ZNG1B: variants seen among roughly 807,000 people sequenced by gnomAD.
ZNG1B encodes the protein Zn regulated GTPase metalloprotein activator 1B.
At chr2:113,457,430 A>T in the ZNG1B span, among the ~76,000 whole-genome samples, 1 of 142,844 alleles carries the variant, frequency 7.0e-6, no homozygotes, top group African/African-American at 2.6e-5. Context: ...CTTTGACACT[A>T]GATTTATTTC....
chr2:113,489,720 T>C, the ZNG1B span, among the ~76,000 whole-genome samples: 1 of 151,710 alleles, frequency 6.6e-6, no homozygotes, highest in Admixed American at 6.6e-5. Context: ...GCCATTCTTA[T>C]ATTAGACAAA....
chr2:113,447,566 T>C, the ZNG1B span: 1 of 410,534 alleles, frequency 2.4e-6, no homozygotes, highest in Non-Finnish European at 4.8e-6. Flanking sequence ...ACTCTCCCTT[T>C]CATAAAAGAT....
the ZNG1B span, among the ~76,000 whole-genome samples, chr2:113,439,496 G>C: frequency 3.6e-4 from 55 of 152,260 alleles, no homozygotes; most frequent in African/African-American, 1.2e-3. Flanking sequence ...CTGGAGTCTT[G>C]CTGCCCTTTA....
chr2:113,437,847 T>C, the ZNG1B span: 15 of 1,610,838 alleles, frequency 9.3e-6, no homozygotes, highest in East Asian at 1.8e-4. Context: ...TCAGCTGAGG[T>C]AGGGACGTGC....
the ZNG1B span, among the ~76,000 whole-genome samples, chr2:113,487,863 A>T: frequency 2.0e-5 from 3 of 151,472 alleles, no homozygotes; most frequent in Admixed American, 6.6e-5. Context: ...TTCAATTTGA[A>T]CCTTTTTTTA....
At chr2:113,477,454 T>C in the ZNG1B span, among the ~76,000 whole-genome samples, 1 of 152,122 alleles carries the variant, frequency 6.6e-6, no homozygotes, top group Non-Finnish European at 1.5e-5. Flanking sequence ...GTACCTCAGA[T>C]GGAAATGGAG....
At chr2:113,448,777 G>T in the ZNG1B span, among the ~76,000 whole-genome samples, 1 of 151,884 alleles carries the variant, frequency 6.6e-6, no homozygotes, top group Non-Finnish European at 1.5e-5. Flanking sequence ...GGTGGTGGGA[G>T]CCTGTAATCC....
At chr2:113,490,320 G>A in the ZNG1B span, among the ~76,000 whole-genome samples, 2 of 152,234 alleles carry the variant, frequency 1.3e-5, no homozygotes, top group Admixed American at 1.3e-4. Flanking sequence ...TGACAATAGT[G>A]ACACAACCTA....
the ZNG1B span, chr2:113,441,590 T>C: frequency 1.8e-6 from 1 of 553,792 alleles, no homozygotes; most frequent in Non-Finnish European, 3.3e-6. Context: ...TGTTAAGATT[T>C]ATATGGGTTG....
At chr2:113,477,971 C>T in the ZNG1B span, among the ~76,000 whole-genome samples, 5 of 152,308 alleles carry the variant, frequency 3.3e-5, no homozygotes, top group East Asian at 9.7e-4. Context: ...CAAGGTTCAT[C>T]CATGTTTTTG....
At chr2:113,476,872 A>C in the ZNG1B span, among the ~76,000 whole-genome samples, 5 of 152,212 alleles carry the variant, frequency 3.3e-5, no homozygotes, top group Admixed American at 6.5e-5. Context: ...GCAGTCTGCC[A>C]GTTCTCAGAT....
the ZNG1B span, among the ~76,000 whole-genome samples, chr2:113,467,028 C>T: frequency 7.2e-6 from 1 of 139,362 alleles, no homozygotes; most frequent in Non-Finnish European, 1.5e-5. Context: ...CGCACCACTG[C>T]ACTCCAGCCT....
At chr2:113,490,122 G>A in the ZNG1B span, among the ~76,000 whole-genome samples, 1 of 151,004 alleles carries the variant, frequency 6.6e-6, no homozygotes, top group African/African-American at 2.4e-5. Flanking sequence ...AACAAAATGA[G>A]CCTCAATAAA....
the ZNG1B span, among the ~76,000 whole-genome samples, chr2:113,485,920 G>C: frequency 6.6e-6 from 1 of 151,618 alleles, no homozygotes; most frequent in African/African-American, 2.4e-5. Flanking sequence ...TCCTCATTTT[G>C]CTTTAGTTTT....
the ZNG1B span, among the ~76,000 whole-genome samples, chr2:113,442,834 C>T: frequency 4.0e-5 from 6 of 151,576 alleles, no homozygotes; most frequent in African/African-American, 1.5e-4. Flanking sequence ...AGAACTTCAC[C>T]GTTTGGTATA....
chr2:113,476,110 G>A, the ZNG1B span, among the ~76,000 whole-genome samples: 48 of 151,986 alleles, frequency 3.2e-4, 1 homozygote, highest in African/African-American at 8.4e-4. Flanking sequence ...CATTCTCCCC[G>A]TCACTTTCAG....
At chr2:113,440,644 A>G in the ZNG1B span, among the ~76,000 whole-genome samples, 3 of 151,958 alleles carry the variant, frequency 2.0e-5, no homozygotes, top group East Asian at 1.9e-4. Context: ...AATGTATTTC[A>G]GAAGACATGT....
chr2:113,441,990 G>A, the ZNG1B span, among the ~76,000 whole-genome samples: 3,439 of 152,148 alleles, frequency 0.023, 110 homozygotes, highest in African/African-American at 0.077. Context: ...CACCTGCCTC[G>A]GCCTCCCAAA....
At chr2:113,447,150 C>T in the ZNG1B span, among the ~76,000 whole-genome samples, 1 of 129,460 alleles carries the variant, frequency 7.7e-6, no homozygotes, top group Non-Finnish European at 1.6e-5. Flanking sequence ...TGCGTTTTGG[C>T]CGGGTGTGAT....
Sources: gnomAD v4.1 joint callset for allele counts (sites outside exome capture counted in the v4.1 genomes callset) on GRCh38, gnomAD v4.1.1 for gene constraint, MANE v1.5 for transcripts, NCBI Gene and HGNC (gene_info 2026-07-23, HGNC 2026-07-21) for gene names.